The following IL16 variants were observed in gnomAD, a reference collection of about 807,000 sequenced individuals.
IL16 encodes the protein interleukin 16.
Under a neutral mutation model 110.1 loss-of-function variants are expected in IL16, and 67 were observed. That is an observed-to-expected ratio of 0.61 (90% CI 0.50 to 0.75). IL16 has a LOEUF of 0.75. Ranked by LOEUF, IL16 falls within the 30% of genes least tolerant of loss-of-function variation. The probability of loss-of-function intolerance (pLI) is 0.00; values close to 1 mark genes in which losing one functional copy is unlikely to be tolerated. For missense variants in IL16, 1,545 were observed against 1,655.0 expected (o/e 0.93, Z 1.15); for synonymous variants, 689 against 662.9 (o/e 1.04, Z -0.61).
At position 81,215,639 on chromosome 15, in the gene IL16, C is replaced by T. The variant is rs563466492; in HGVS notation, c.-101-9660C>T. 2.0e-5 allele frequency among the ~76,000 whole-genome samples: 3 copies of T among 152,262 alleles called. No individual in the cohort carries two copies. In the South Asian group the frequency reaches 6.2e-4, roughly 32 times the overall value. On this transcript the variant is annotated intron_variant, in intron 1 of 18. Coordinates refer to ENST00000683961, the MANE Select transcript of IL16 (RefSeq NM_172217.5). ...TTAGGTGTTCCAGGATGCAGGGCCC[C>T]CTCTGGGAAAGGCTGTAACAGGAAG...
At chr15:81,270,402 G>A (rs1898578904) in intron 5 of IL16, among the ~76,000 whole-genome samples, 1 of 152,202 alleles carries the variant, frequency 6.6e-6, no homozygotes, top group Non-Finnish European at 1.5e-5. Context: ...TGGTGTGAGA[G>A]GAGGACCTAA....
intron 4 of IL16, 41 bp downstream of exon 4, chr15:81,265,842 C>T (rs750709330): frequency 2.5e-6 from 4 of 1,576,432 alleles, no homozygotes; most frequent in Admixed American, 1.8e-5. Flanking sequence ...GAGTTTCTCC[C>T]GGGGAGAAGG....
At chr15:81,279,512 A>C (rs762551203) in intron 7 of IL16, 46 bp from the exon 8 acceptor site, 1 of 1,399,660 alleles carries the variant, frequency 7.1e-7, no homozygotes, top group Non-Finnish European at 1.0e-6. Flanking sequence ...TCTTCATCTC[A>C]CCCTGGATTG....
At position 81,190,325 on chromosome 15, in the gene IL16, C is replaced by T. The variant is rs574408470; in HGVS notation, c.40+7429C>T. 2.3e-4 allele frequency among the ~76,000 whole-genome samples: 35 copies of T among 152,306 alleles called. 1 individual carries two copies. In the South Asian group the frequency reaches 6.0e-3, roughly 26 times the overall value. On this transcript the variant is annotated intron_variant, in intron 1 of 18. Transcript: ENST00000302987. Reference sequence around the variant, plus strand: ...CACTGACCACTCCCTCCCAGTGTGGCGTTTAACCCTTTCTAAGCCCACCCA... The same window carrying T: ...CACTGACCACTCCCTCCCAGTGTGGTGTTTAACCCTTTCTAAGCCCACCCA...
intron 2 of IL16, among the ~76,000 whole-genome samples, chr15:81,229,445 GTGA>G (rs1308844453): frequency 1.3e-5 from 2 of 152,108 alleles, no homozygotes; most frequent in Non-Finnish European, 2.9e-5. Flanking sequence ...GGCAGAAGAG[GTGA>G]TGAGCACAGT....
chr15:81,279,118 T>G (rs1341237797), intron 7 of IL16, among the ~76,000 whole-genome samples: 2 of 152,260 alleles, frequency 1.3e-5, no homozygotes, highest in Non-Finnish European at 2.9e-5. Flanking sequence ...TAAAATTGTT[T>G]TAAAACACTC....
At chr15:81,232,603 T>G (rs1161027446) in intron 2 of IL16, among the ~76,000 whole-genome samples, 1 of 152,194 alleles carries the variant, frequency 6.6e-6, no homozygotes, top group Non-Finnish European at 1.5e-5. Context: ...TTTCCTGCAT[T>G]TATTGAGATG....
At chr15:81,254,261 A>G (rs966364007) in intron 2 of IL16, among the ~76,000 whole-genome samples, 17 of 152,156 alleles carry the variant, frequency 1.1e-4, no homozygotes, top group African/African-American at 3.6e-4. Flanking sequence ...TAAAAAATAA[A>G]CACTCCTAAC....
rs190667886 is a variant in IL16 at position 81,258,439 on chromosome 15, G to A, written c.313-1333G>A. ...TGATTGTCTAGTCACGATGACTCAC[G>A]CCTGTAATCCTTACACTTTGGGAGG... On this transcript the variant is annotated intron_variant, in intron 2 of 18. Coordinates refer to ENST00000683961, the MANE Select transcript of IL16 (RefSeq NM_172217.5). Among the ~76,000 whole-genome samples, 565 of 152,198 alleles carry A rather than the reference G, an allele frequency of 3.7e-3. 4 individuals are homozygous for A. The highest frequency in any genetic ancestry group is 0.013 in the African/African-American group (531 of 41,506).
At chr15:81,295,625 T>G (rs1899947171) in intron 12 of IL16, 1 of 593,188 alleles carries the variant, frequency 1.7e-6, no homozygotes, top group African/African-American at 1.9e-5. Flanking sequence ...AGCCTTACTT[T>G]TTTTAAGGGC....
At chr15:81,251,309 G>C (rs1030307889) in intron 2 of IL16, among the ~76,000 whole-genome samples, 2 of 152,110 alleles carry the variant, frequency 1.3e-5, no homozygotes, top group African/African-American at 4.8e-5. Context: ...TGGTACTACA[G>C]GTTCGTACCA....
chr15:81,196,855 G>C (rs564616028), upstream of IL16: 3 of 1,150,768 alleles, frequency 2.6e-6, no homozygotes, highest in African/African-American at 1.6e-5. Flanking sequence ...AGGAGTCTTC[G>C]AGCAAATCCA....
chr15:81,280,421 G>A (rs1899121591), intron 8 of IL16, among the ~76,000 whole-genome samples: 1 of 152,260 alleles, frequency 6.6e-6, no homozygotes. Flanking sequence ...GAGAGACCCT[G>A]TGGGGCTTTG....
chr15:81,246,316 C>G (rs1024148714), intron 2 of IL16, among the ~76,000 whole-genome samples: 1 of 152,138 alleles, frequency 6.6e-6, no homozygotes, highest in Non-Finnish European at 1.5e-5. Context: ...CCTTAGGCTG[C>G]CCTTTTGTCC....
At position 81,288,332 on chromosome 15, in the gene IL16, G is replaced by A. The variant is rs1340761488; in HGVS notation, c.1333-2121G>A. Among the ~76,000 whole-genome samples, 7 of 152,318 alleles carry A rather than the reference G, an allele frequency of 4.6e-5. No individual in the cohort carries two copies. The East Asian group carries it at 1.2e-3, about 25-fold the overall frequency. On this transcript the variant is annotated intron_variant, in intron 10 of 18. Transcript: ENST00000683961. ...CTCTGGTTCCTCAACTCTGACATAG[G>A]GGAGTGGTCTTTACCTTACAGGACT...
chr15:81,226,270 G>A (rs1283660600), intron 2 of IL16, among the ~76,000 whole-genome samples: 1 of 152,180 alleles, frequency 6.6e-6, no homozygotes, highest in Non-Finnish European at 1.5e-5. Context: ...GGGGAAATAA[G>A]CAGTGTCTGG....
At chr15:81,188,741 T>C (rs1419867276) in intron 1 of IL16, among the ~76,000 whole-genome samples, 1 of 152,186 alleles carries the variant, frequency 6.6e-6, no homozygotes, top group Non-Finnish European at 1.5e-5. Flanking sequence ...TTTGCCCTTC[T>C]TCCTCCCGGC....
At chr15:81,202,281 A>G (rs1895845722) in intron 1 of IL16, among the ~76,000 whole-genome samples, 1 of 152,212 alleles carries the variant, frequency 6.6e-6, no homozygotes, top group Non-Finnish European at 1.5e-5. Flanking sequence ...CCACTGGAGT[A>G]GCATCAGATG....
chr15:81,285,509 G>T (rs56310941), intron 9 of IL16, among the ~76,000 whole-genome samples, 189 bp from the exon 10 acceptor site: 1 of 152,114 alleles, frequency 6.6e-6, no homozygotes, highest in Admixed American at 6.5e-5. Flanking sequence ...GTACGGTAAG[G>T]GGGTATGGGA....
Sources: gnomAD v4.1 joint callset for allele counts (sites outside exome capture counted in the v4.1 genomes callset) on GRCh38, gnomAD v4.1.1 for gene constraint, MANE v1.5 for transcripts, NCBI Gene and HGNC (gene_info 2026-07-23, HGNC 2026-07-21) for gene names.